The following ZNF570 variants were observed in gnomAD, a reference collection of about 807,000 sequenced individuals.
ZNF570 encodes the protein zinc finger protein 570.
A neutral mutation model predicts 14.2 loss-of-function variants in ZNF570; 8 were observed. That is an observed-to-expected ratio of 0.56 (90% CI 0.33 to 1.02). The LOEUF (loss-of-function observed/expected upper bound fraction) is 1.02. Ranked by LOEUF, ZNF570 falls within the 50% of genes least tolerant of loss-of-function variation. ZNF570 has a pLI of 0.03. For missense variants in ZNF570, 559 were observed against 624.9 expected (o/e 0.89, Z 1.12); for synonymous variants, 202 against 207.6 (o/e 0.97, Z 0.23).
In ZNF570 at chr19:37,486,167, C is replaced by T. The variant is rs986716465; in HGVS notation, c.*934C>T. 2.7e-5 allele frequency: 4 copies of T among 150,008 alleles called. No individual in the cohort carries two copies. The highest frequency in any genetic ancestry group is 6.7e-5 in the Admixed American group (1 of 14,994). 9.3% of individuals were successfully genotyped at this position (150,008 alleles called of 1,614,324 possible). On this transcript the variant is annotated 3_prime_UTR_variant, in exon 5 of 5. Transcript: ENST00000330173. ...ACAGCCTTTAAAATTGTCTGCAAGG[C>T]TTTTGTTATTTGGTTCTTACACACC...
chr19:37,485,274 T>G lies in ZNF570; in HGVS notation c.*41T>G, dbSNP rs1175524249. The G allele has an allele frequency of 1.3e-6, 2 of 1,496,420 alleles. No homozygotes were observed. The highest frequency in any genetic ancestry group is 4.8e-5 in the Admixed American group (2 of 41,436). The allele number at this position is 1,496,420 out of a possible 1,614,324, so 92.7% of individuals were successfully genotyped here. On this transcript the variant is annotated 3_prime_UTR_variant, in exon 5 of 5. Transcript: ENST00000330173. Reference sequence around the variant, plus strand: ...TGTTTCTAGAATTTATACTGTTTTTTATCTTTAATGTTGTCACCTTGGTCT... The same window carrying G: ...TGTTTCTAGAATTTATACTGTTTTTGATCTTTAATGTTGTCACCTTGGTCT...
At position 37,484,948 on chromosome 19, in the gene ZNF570, T is replaced by C. The variant is rs74415146; in HGVS notation, c.1326T>C (p.Tyr442=). The C allele has an allele frequency of 2.1e-4, 340 of 1,614,084 alleles. 1 individual carries two copies. In the East Asian group the frequency reaches 5.6e-3, roughly 26 times the overall value. ...HQRVHTGEKP[Y]ECIECGKAFS... is the part of the protein sequence containing the mutation. ...GAGTTCATACTGGAGAGAAACCCTA[T>C]GAATGTATTGAATGTGGGAAGGCTT... is the stretch of plus-strand genomic sequence containing the variant. Residue 442 remains tyrosine, a synonymous_variant, in exon 5 of 5, where the codon TAT becomes TAC. Transcript: ENST00000330173.
In ZNF570 at chr19:37,476,454, G is replaced by C. The variant is rs374641111; in HGVS notation, c.256+20G>C. 1.8e-5 allele frequency: 29 copies of C among 1,607,948 alleles called. No individual in the cohort carries two copies. The highest frequency in any genetic ancestry group is 2.4e-5 in the Non-Finnish European group (28 of 1,177,188). ...GCTCAGGTTAGTGAAGAGGAAATTG[G>C]CAAAAATCTTTGCACGTGACAGCTC... On this transcript the variant is annotated intron_variant, in intron 4 of 4. Transcript: ENST00000330173.
Position 37,470,288 on chromosome 19 carries a change from CT to C in ZNF570, c.-51-12del. The C allele has an allele frequency of 6.2e-7, 1 of 1,612,532 alleles. No homozygotes were observed. The highest frequency in any genetic ancestry group is 8.5e-7 in the Non-Finnish European group (1 of 1,178,912). ...CAAGAAAAGTCTAGTTTCTCATGTT[CT>C]TTTCCCCATCTCAGTCATCTGAGGC... On this transcript the variant is annotated splice_polypyrimidine_tract_variant and intron_variant, in intron 1 of 4. Transcript: ENST00000330173.
chr19:37,468,867 TC>T (rs201854255), upstream of ZNF570: 10 of 178,392 alleles, frequency 5.6e-5, no homozygotes, highest in African/African-American at 2.2e-4. Context: ...CCACCCTGCA[TC>T]CCCCCCACCC....
In ZNF570 at chr19:37,469,572, G is replaced by C; in HGVS notation, c.-52+15G>C. 1 of 1,535,700 alleles carries C rather than the reference G, an allele frequency of 6.5e-7. No individual in the cohort carries two copies. Among genetic ancestry groups the C allele is most frequent in the Non-Finnish European group, 8.7e-7 (1 of 1,146,380 alleles). ...TGCGAGTGGAGGTTGGTACCGTTCA[G>C]TGCGAGGCTGTCACCCCGTGTGCCT... On this transcript the variant is annotated intron_variant, in intron 1 of 4. Coordinates refer to ENST00000330173, the MANE Select transcript of ZNF570 (RefSeq NM_144694.5).
upstream of ZNF570, chr19:37,467,827 A>C: frequency 2.7e-6 from 4 of 1,494,882 alleles, no homozygotes; most frequent in Admixed American, 2.0e-5. Flanking sequence ...CTTTTGTGTG[A>C]CCATGGTCGC....
rs1251247438 is a variant in ZNF570 at position 37,488,554 on chromosome 19, T to C, written c.*3321T>C. On this transcript the variant is annotated 3_prime_UTR_variant, in exon 5 of 5. Transcript: ENST00000330173. ...TACTGTATAGCCAATTCTTAAAATT[T>C]GATAAAGCTGGCTGTGAGTATATGA... 6.6e-6 allele frequency: 1 copy of C among 152,206 alleles called. No individual in the cohort carries two copies. Among genetic ancestry groups the C allele is most frequent in the Admixed American group, 6.6e-5 (1 of 15,266 alleles). 9.4% of individuals were successfully genotyped at this position (152,206 alleles called of 1,614,324 possible).
intron 4 of ZNF570, among the ~76,000 whole-genome samples, chr19:37,481,676 A>T (rs1000687284): frequency 6.6e-6 from 1 of 152,088 alleles, no homozygotes; most frequent in African/African-American, 2.4e-5. Context: ...CTGACCATTA[A>T]TGGACTCTGG....
chr19:37,483,759 G>C, intron 4 of ZNF570, 120 bp from the exon 5 acceptor site: 1 of 1,047,134 alleles, frequency 9.5e-7, no homozygotes, highest in Non-Finnish European at 1.4e-6. Flanking sequence ...AACTGCAAAA[G>C]CCAATGTTCC....
At chr19:37,481,594 G>C (rs1447444107) in intron 4 of ZNF570, among the ~76,000 whole-genome samples, 2 of 152,110 alleles carry the variant, frequency 1.3e-5, no homozygotes, top group Non-Finnish European at 2.9e-5. Flanking sequence ...TGGTTATTCT[G>C]TATTTTCAAT....
intron 3 of ZNF570, 128 bp from the exon 4 acceptor site, chr19:37,476,211 A>G: frequency 7.7e-7 from 1 of 1,291,084 alleles, no homozygotes; most frequent in South Asian, 1.5e-5. Context: ...CTTCTAATAC[A>G]TGTCCTTTAC....
upstream of ZNF570, chr19:37,469,028 C>T (rs2041903836): frequency 1.0e-6 from 1 of 987,666 alleles, no homozygotes; most frequent in Non-Finnish European, 1.2e-6. Context: ...GCCCTGGTTG[C>T]TAAGGGAGGC....
At chr19:37,482,684 C>A (rs1196218472) in intron 4 of ZNF570, among the ~76,000 whole-genome samples, 1 of 152,120 alleles carries the variant, frequency 6.6e-6, no homozygotes, top group Non-Finnish European at 1.5e-5. Flanking sequence ...GAATTGTAAT[C>A]CCCATGTGTT....
At chr19:37,477,011 T>C (rs550175256) in intron 4 of ZNF570, among the ~76,000 whole-genome samples, 3 of 152,168 alleles carry the variant, frequency 2.0e-5, no homozygotes, top group African/African-American at 4.8e-5. Flanking sequence ...TGGCCTCTTA[T>C]AAATTTTTGA....
In ZNF570 at chr19:37,476,387, A is replaced by G. The variant is rs1163732985; in HGVS notation, c.209A>G (p.Lys70Arg). The change falls in exon 4 of 5, where the codon AAA (lysine) becomes AGA (arginine). Residue 70 changes from lysine (K) to arginine (R), a missense_variant. Coordinates refer to ENST00000330173, the MANE Select transcript of ZNF570 (RefSeq NM_144694.5). ...PSVILLLEQG[K>R]APWMVKRELT... ...GTGATATTATTGTTGGAACAAGGAAAAGCACCCTGGATGGTGAAGAGAGAG... is the reference window on the plus strand; with the variant it reads ...GTGATATTATTGTTGGAACAAGGAAGAGCACCCTGGATGGTGAAGAGAGAG... 1 of 1,614,144 alleles carries G rather than the reference A, an allele frequency of 6.2e-7. No individual in the cohort carries two copies. Among genetic ancestry groups the G allele is most frequent in the Non-Finnish European group, 8.5e-7 (1 of 1,180,026 alleles).
chr19:37,485,075 C>T lies in ZNF570; in HGVS notation c.1453C>T (p.Leu485Phe). 1.2e-6 allele frequency: 2 copies of T among 1,613,974 alleles called. No homozygotes were observed. The highest frequency in any genetic ancestry group is 1.3e-5 in the African/African-American group (1 of 74,972). The change falls in exon 5 of 5, where the codon CTT (leucine) becomes TTT (phenylalanine). Residue 485 changes from leucine to phenylalanine, a missense_variant. Physicochemically the swap from Leu to Phe is conservative, Grantham distance 22. Transcript: ENST00000330173. ...AAAGGCTTTTAGTTACTGTGGATCC[C>T]TTGCCCAACATCAGAGAATTCATAC... is the stretch of plus-strand genomic sequence containing the variant. ...CGKAFSYCGS[L>F]AQHQRIHTGE...
At chr19:37,483,317 TTGTTA>T (rs1465664827) in intron 4 of ZNF570, among the ~76,000 whole-genome samples, 1 of 152,206 alleles carries the variant, frequency 6.6e-6, no homozygotes, top group East Asian at 1.9e-4. Context: ...AAATGTTAAC[TTGTTA>T]ATGATTCCTA....
At chr19:37,477,241 G>T (rs2042036195) in intron 4 of ZNF570, among the ~76,000 whole-genome samples, 1 of 149,828 alleles carries the variant, frequency 6.7e-6, no homozygotes, top group Admixed American at 6.7e-5. Context: ...GGAAAAACAG[G>T]TTGCATGTGT....
Sources: allele counts gnomAD v4.1 joint callset (sites outside exome capture counted in the v4.1 genomes callset), GRCh38; gene constraint gnomAD v4.1.1; transcripts MANE v1.5; gene names NCBI Gene and HGNC (gene_info 2026-07-23, HGNC 2026-07-21).